The following RFX2 variants were observed in gnomAD, a reference collection of about 807,000 sequenced individuals.
The protein encoded by RFX2 is DNA-binding protein RFX2.
RFX2 carries 20 observed loss-of-function variants against 87.8 expected under a neutral mutation model. That is an observed-to-expected ratio of 0.23 (90% CI 0.16 to 0.33). The LOEUF is 0.33. RFX2 is among the 10% of genes least tolerant of loss of function. The pLI, the probability that RFX2 is intolerant of heterozygous loss-of-function variation, is 1.00. For synonymous variants in RFX2, 397 were observed against 431.3 expected (o/e 0.92, Z 0.98); for missense variants, 767 against 1,012.3 (o/e 0.76, Z 3.29).
intron 1 of RFX2, among the ~76,000 whole-genome samples, chr19:6,072,334 T>C (rs903189774): frequency 2.0e-5 from 3 of 152,186 alleles, no homozygotes; most frequent in Non-Finnish European, 2.9e-5. Flanking sequence ...GGCCCAAGTA[T>C]CCACCTGGGT....
At chr19:6,066,794 A>G (rs1342103583) in intron 1 of RFX2, among the ~76,000 whole-genome samples, 1 of 152,198 alleles carries the variant, frequency 6.6e-6, no homozygotes, top group African/African-American at 2.4e-5. Context: ...ATTGTTTGCT[A>G]AGTAACAACG....
intron 1 of RFX2, among the ~76,000 whole-genome samples, chr19:6,107,449 C>T (rs1342307671): frequency 1.3e-5 from 2 of 151,004 alleles, no homozygotes; most frequent in Non-Finnish European, 3.0e-5. Flanking sequence ...AAACCCCATC[C>T]CTACTAAAAA....
chr19:6,008,557 G>C (rs1386027590), intron 9 of RFX2, among the ~76,000 whole-genome samples: 1 of 151,820 alleles, frequency 6.6e-6, no homozygotes, highest in Non-Finnish European at 1.5e-5. Flanking sequence ...TTTTTTAGTA[G>C]AGACAGGATT....
At chr19:6,103,062 G>A (rs2088153179) in intron 1 of RFX2, among the ~76,000 whole-genome samples, 1 of 152,114 alleles carries the variant, frequency 6.6e-6, no homozygotes, top group African/African-American at 2.4e-5. Context: ...AGTAGAAATA[G>A]GCTTACCATA....
At chr19:6,104,347 A>G (rs1035406898) in intron 1 of RFX2, among the ~76,000 whole-genome samples, 2 of 151,838 alleles carry the variant, frequency 1.3e-5, no homozygotes, top group African/African-American at 4.9e-5. Context: ...AGGTGGGCGG[A>G]TCATGAGGTC....
chr19:6,023,531 T>C lies in RFX2; in HGVS notation c.597+2632A>G, dbSNP rs912152048. On this transcript the variant is annotated intron_variant, in intron 6 of 17. Transcript: ENST00000303657. The surrounding 1 kb of genome is among the most constrained non-coding windows in gnomAD (Gnocchi z 4.9). ...TGTGGTGAACTTTTTAGAAAGATCT[T>C]ATTTTACTTCCTTTGCTTCGAGTCA... is the stretch of plus-strand genomic sequence containing the variant. 6.6e-6 allele frequency among the ~76,000 whole-genome samples: 1 copy of C among 152,378 alleles called. No homozygotes were observed. The highest frequency in any genetic ancestry group is 2.4e-5 in the African/African-American group (1 of 41,590).
chr19:6,099,545 C>T (rs1393666556), intron 1 of RFX2, among the ~76,000 whole-genome samples: 2 of 151,718 alleles, frequency 1.3e-5, no homozygotes, highest in African/African-American at 4.8e-5. Context: ...TGAAGGTTTA[C>T]CATCTTGATG....
intron 1 of RFX2, among the ~76,000 whole-genome samples, chr19:6,075,258 AGAG>A (rs1472449606): frequency 6.0e-5 from 9 of 151,084 alleles, no homozygotes; most frequent in Admixed American, 6.6e-5. Flanking sequence ...AGGAGAAAGA[AGAG>A]GAGGAGAAGG....
intron 5 of RFX2, among the ~76,000 whole-genome samples, chr19:6,038,052 C>T (rs1030488603): frequency 3.9e-5 from 6 of 152,044 alleles, no homozygotes; most frequent in Non-Finnish European, 5.9e-5. Flanking sequence ...TATGGTCAGG[C>T]GCGGTGGCTC....
rs1463454916 is a variant in RFX2 at position 6,024,196 on chromosome 19, A to G, written c.597+1967T>C. Among the ~76,000 whole-genome samples the G allele has an allele frequency of 1.3e-5, 2 of 152,144 alleles. No homozygotes were observed. Among genetic ancestry groups the G allele is most frequent in the Non-Finnish European group, 2.9e-5 (2 of 68,032 alleles). On this transcript the variant is annotated intron_variant, in intron 6 of 17. Transcript: ENST00000303657. The surrounding 1 kb of genome is among the most constrained non-coding windows in gnomAD (Gnocchi z 5.0). ...CCCAGGGCTGATACCCTGGACCCGC[A>G]TGGGTTTGCGTTCAGGCTGAAGATG...
rs758768204 is a variant in RFX2 at position 5,994,844 on chromosome 19, C to T, written c.2163G>A (p.Gln721=). 2.4e-5 allele frequency: 38 copies of T among 1,608,768 alleles called. No homozygotes were observed. The highest frequency in any genetic ancestry group is 3.2e-5 in the Non-Finnish European group (38 of 1,178,720). ...RERSDPNHSL[Q]GI is the part of the protein sequence containing the mutation. ...GCGCCGGCCGGGGCTGCTAGATGCC[C>T]TGCAGGGAGTGGTTGGGGTCACTGC... Residue 721 remains glutamine, a synonymous_variant, in exon 18 of 18, where the codon CAG becomes CAA. Transcript: ENST00000303657.
Position 6,056,364 on chromosome 19 carries a change from T to G in RFX2, c.-8-8860A>C, listed in dbSNP as rs2087341204. Among the ~76,000 whole-genome samples, 1 of 152,144 alleles carries G rather than the reference T, an allele frequency of 6.6e-6. No homozygotes were observed. Among genetic ancestry groups the G allele is most frequent in the Non-Finnish European group, 1.5e-5 (1 of 68,014 alleles). On this transcript the variant is annotated intron_variant, in intron 1 of 17. Coordinates refer to ENST00000303657, the MANE Select transcript of RFX2 (RefSeq NM_000635.4). This position sits in a 1 kb window ranked among gnomAD's most constrained non-coding sequence, Gnocchi z 4.6. ...GTTTGAAATTTCCATGATAAGGAGT[T>G]AAACAAACACACACACAAGACACCA...
rs1187948329 is a variant in RFX2, at chr19:6,022,266, TAGCAACCCCACTGTGGCCTGCAGGAC to T, written c.597+3871_597+3896del. 6.6e-6 allele frequency among the ~76,000 whole-genome samples: 1 copy of T among 152,212 alleles called. No homozygotes were observed. The highest frequency in any genetic ancestry group is 1.5e-5 in the Non-Finnish European group (1 of 68,036). On this transcript the variant is annotated intron_variant, in intron 6 of 17. Transcript: ENST00000303657. This position sits in a 1 kb window ranked among gnomAD's most constrained non-coding sequence, Gnocchi z 6.2. ...GCCCCTTCTGAGGAGCTGCCGGCTCTAGCAACCCCACTGTGGCCTGCAGGACAGCACGGCCATCGTGCCAGGCTACA... is the reference window on the plus strand; with the variant it reads ...GCCCCTTCTGAGGAGCTGCCGGCTCTAGCACGGCCATCGTGCCAGGCTACA...
chr19:6,008,006 G>T, intron 10 of RFX2, 100 bp downstream of exon 10: 1 of 927,332 alleles, frequency 1.1e-6, no homozygotes, highest in Non-Finnish European at 1.7e-6. Flanking sequence ...GGGGGCTCGG[G>T]GCTCCAGCTC....
chr19:6,080,166 T>C (rs1420388178), intron 1 of RFX2, among the ~76,000 whole-genome samples: 2 of 151,378 alleles, frequency 1.3e-5, no homozygotes, highest in African/African-American at 4.9e-5. Context: ...CTCAGCCTCC[T>C]GTGAGTAGCT....
chr19:6,072,096 A>G (rs1269872345), intron 1 of RFX2: 1 of 152,212 alleles, frequency 6.6e-6, no homozygotes, highest in Non-Finnish European at 1.5e-5. Flanking sequence ...TCAGTTCCCA[A>G]ATCCGAGCAA....
At position 6,047,217 on chromosome 19, in the gene RFX2, T is replaced by C. The variant is rs1321011257; in HGVS notation, c.90+190A>G. On this transcript the variant is annotated intron_variant, in intron 2 of 17. Transcript: ENST00000303657. This position sits in a 1 kb window ranked among gnomAD's most constrained non-coding sequence, Gnocchi z 4.2. ...TCATTGTTTCCTTGATGGGATCTTT[T>C]TAACAAATATTGAAAAAGCCAAATA... is the stretch of plus-strand genomic sequence containing the variant. Among the ~76,000 whole-genome samples, 1 of 152,242 alleles carries C rather than the reference T, an allele frequency of 6.6e-6. No homozygotes were observed. The highest frequency in any genetic ancestry group is 1.5e-5 in the Non-Finnish European group (1 of 68,052).
At chr19:6,097,621 C>T (rs1250444365) in intron 1 of RFX2, among the ~76,000 whole-genome samples, 1 of 152,072 alleles carries the variant, frequency 6.6e-6, no homozygotes, top group East Asian at 1.9e-4. Flanking sequence ...AGACAGGTCT[C>T]ACCCTCTCAC....
intron 1 of RFX2, among the ~76,000 whole-genome samples, chr19:6,065,247 T>G (rs894482114): frequency 2.2e-4 from 33 of 151,782 alleles, no homozygotes; most frequent in African/African-American, 7.5e-4. Flanking sequence ...TTTGGGGGAG[T>G]CTTTGTGTAA....
Sources: allele counts gnomAD v4.1 joint callset (sites outside exome capture counted in the v4.1 genomes callset), GRCh38; gene constraint gnomAD v4.1.1; non-coding constraint Gnocchi (gnomAD v3.1); transcripts MANE v1.5; gene names NCBI Gene and HGNC (gene_info 2026-07-23, HGNC 2026-07-21).